The following LRIT3 variants were observed in gnomAD, a reference collection of about 807,000 sequenced individuals.
LRIT3 encodes leucine-rich repeat, immunoglobulin-like domain and transmembrane domain-containing protein 3.
In LRIT3, 14 loss-of-function variants were observed where a neutral mutation model predicts 22.6. That is an observed-to-expected ratio of 0.62 (90% confidence interval 0.41 to 0.97). The LOEUF (loss-of-function observed/expected upper bound fraction) is 0.97, where lower values mean the gene tolerates loss of function less well. LRIT3 is among the 50% of genes least tolerant of loss of function. The probability of loss-of-function intolerance (pLI) is 0.00; values close to 1 mark genes in which losing one functional copy is unlikely to be tolerated. For missense variants in LRIT3, 783 were observed against 803.0 expected (o/e 0.98, Z 0.30); for synonymous variants, 306 against 304.5 (o/e 1.01, Z -0.05).
At chr4:109,848,716 T>C (rs935016260) in intron 1 of LRIT3, among the ~76,000 whole-genome samples, 4 of 152,164 alleles carry the variant, frequency 2.6e-5, no homozygotes, top group African/African-American at 7.2e-5. Flanking sequence ...CTTTCATGGC[T>C]CTCCACTTCC....
intron 2 of LRIT3, among the ~76,000 whole-genome samples, chr4:109,863,174 C>T (rs1734590731): frequency 6.6e-6 from 1 of 152,108 alleles, no homozygotes; most frequent in Non-Finnish European, 1.5e-5. Flanking sequence ...CTTTGGCTTC[C>T]TTTGGTGTAA....
intron 2 of LRIT3, among the ~76,000 whole-genome samples, chr4:109,856,832 C>G (rs1734417126): frequency 6.6e-6 from 1 of 152,100 alleles, no homozygotes; most frequent in Non-Finnish European, 1.5e-5. Flanking sequence ...TGCCATTTAT[C>G]CGCAAAATGA....
At chr4:109,866,023 A>C (rs538515946) in intron 2 of LRIT3, among the ~76,000 whole-genome samples, 1 of 152,306 alleles carries the variant, frequency 6.6e-6, no homozygotes, top group African/African-American at 2.4e-5. Context: ...AAAAGTTTAA[A>C]GTTATTCACC....
Position 109,870,352 on chromosome 4 carries a change from A to T in LRIT3, c.1603A>T (p.Ser535Cys). Residue 535 changes from serine to cysteine, a missense_variant, in exon 4 of 4, where the codon AGC becomes TGC. Physicochemically the swap from Ser to Cys is moderately radical, Grantham distance 112. Transcript: ENST00000594814. Reference protein sequence around the residue: ...KDLLLLNADSSKNQVTIDGLE... With the variant: ...KDLLLLNADSCKNQVTIDGLE... ...CCTGCTGCTGTTGAATGCAGACTCC[A>T]GCAAGAACCAAGTAACCATAGATGG... The T allele has an allele frequency of 6.2e-7, 1 of 1,614,228 alleles. No homozygotes were observed.
Position 109,869,741 on chromosome 4 carries a change from A to G in LRIT3, c.992A>G (p.Lys331Arg), listed in dbSNP as rs545747114. The G allele has an allele frequency of 5.6e-6, 9 of 1,613,474 alleles. No individual in the cohort carries two copies. The highest frequency in any genetic ancestry group is 2.2e-5 in the East Asian group (1 of 44,880). Reference protein sequence around the residue: ...KDAGDYKCKAKNLAGMSEAVV... With the variant: ...KDAGDYKCKARNLAGMSEAVV... ...GCTGGGGATTACAAATGTAAGGCCA[A>G]AAATCTGGCTGGGATGTCAGAAGCT... The change falls in exon 4 of 4, where the codon AAA becomes AGA. Residue 331 changes from lysine (K) to arginine (R), a missense_variant. Physicochemically the swap from Lys to Arg is conservative, Grantham distance 26 (BLOSUM62 2). Around this residue, in one of 2 missense-constraint regions of LRIT3, gnomAD observed 756 missense variants for 753.8 expected, o/e 1.00. Transcript: ENST00000594814.
rs558245776 is a variant in LRIT3, at chr4:109,856,833, C to T, written c.589+4857C>T. 1.4e-4 allele frequency among the ~76,000 whole-genome samples: 21 copies of T among 152,080 alleles called. No individual in the cohort carries two copies. In the East Asian group the frequency reaches 2.5e-3, roughly 18 times the overall value. On this transcript the variant is annotated intron_variant, in intron 2 of 3. Coordinates refer to ENST00000594814, the MANE Select transcript of LRIT3 (RefSeq NM_198506.5). ...AAATAGAATTTTTTTGCCATTTATC[C>T]GCAAAATGAGCAGTTTGAATAGATT...
chr4:109,856,544 A>T (rs1734406491), intron 2 of LRIT3, among the ~76,000 whole-genome samples: 1 of 152,184 alleles, frequency 6.6e-6, no homozygotes, highest in Non-Finnish European at 1.5e-5. Flanking sequence ...GAGGCCTCAA[A>T]AATCTTTTCT....
At chr4:109,854,559 C>A (rs897048667) in intron 2 of LRIT3, among the ~76,000 whole-genome samples, 1 of 152,080 alleles carries the variant, frequency 6.6e-6, no homozygotes, top group Non-Finnish European at 1.5e-5. Context: ...ATTTGAATAC[C>A]CTTTATTTCT....
At chr4:109,850,593 C>T (rs1034905933) in intron 1 of LRIT3, among the ~76,000 whole-genome samples, 7 of 151,416 alleles carry the variant, frequency 4.6e-5, no homozygotes, top group Admixed American at 4.0e-4. Context: ...TCTCCCACCT[C>T]CGCCTCCTGA....
Position 109,870,185 on chromosome 4 carries a change from T to TGCTTACGG in LRIT3, c.1437_1444dup (p.Glu482GlyfsTer9). The TGCTTACGG allele has an allele frequency of 6.2e-7, 1 of 1,614,222 alleles. No individual in the cohort carries two copies. The highest frequency in any genetic ancestry group is 1.1e-5 in the South Asian group (1 of 91,090). ...GAGCTGGCATTGTTGGATCAAACAA[T>TGCTTACGG]GCTTACGGAGACAAATGCCGCAATA... On this transcript the variant is annotated frameshift_variant, in exon 4 of 4. Transcript: ENST00000594814. LOFTEE classifies it low-confidence loss of function (END_TRUNC).
rs1204442225 is a variant in LRIT3 at position 109,851,535 on chromosome 4, G to A, written c.148G>A (p.Glu50Lys). Reference sequence around the variant, plus strand: ...GCTATGTAATGACATGGATATGAACGAGCTGCCTACGAACCTCCCCGTGGA... The same window carrying A: ...GCTATGTAATGACATGGATATGAACAAGCTGCCTACGAACCTCCCCGTGGA... ...LVLCNDMDMN[E>K]LPTNLPVDTV... Residue 50 changes from glutamate to lysine, a missense_variant, in exon 2 of 4, where the codon GAG (glutamate) becomes AAG (lysine). Coordinates refer to ENST00000594814, the MANE Select transcript of LRIT3 (RefSeq NM_198506.5). 6 of 1,548,364 alleles carry A rather than the reference G, an allele frequency of 3.9e-6. No homozygotes were observed. Among genetic ancestry groups the A allele is most frequent in the South Asian group, 3.6e-5 (3 of 83,864 alleles).
chr4:109,849,688 C>T (rs1333722342), intron 1 of LRIT3, among the ~76,000 whole-genome samples: 2 of 152,246 alleles, frequency 1.3e-5, no homozygotes, highest in African/African-American at 4.8e-5. Context: ...TCTCGGCTCA[C>T]TGCAACCTCC....
chr4:109,850,424 T>TTCTTTCC (rs775517622), intron 1 of LRIT3, among the ~76,000 whole-genome samples: 3 of 22,358 alleles, frequency 1.3e-4, no homozygotes, highest in East Asian at 3.9e-3. Flanking sequence ...CCTTCCTTCC[T>TTCTTTCC]TTCTTTCTTT....
At position 109,851,534 on chromosome 4, in the gene LRIT3, C is replaced by G; in HGVS notation, c.147C>G (p.Asn49Lys). 1 of 1,548,004 alleles carries G rather than the reference C, an allele frequency of 6.5e-7. No individual in the cohort carries two copies. The highest frequency in any genetic ancestry group is 8.7e-7 in the Non-Finnish European group (1 of 1,144,664). Residue 49 changes from asparagine to lysine, a missense_variant, in exon 2 of 4, where the codon AAC becomes AAG. By Grantham distance (94) the Asn-to-Lys change is moderately conservative. Transcript: ENST00000594814. Reference protein sequence around the residue: ...RLVLCNDMDMNELPTNLPVDT... With the variant: ...RLVLCNDMDMKELPTNLPVDT... ...TGCTATGTAATGACATGGATATGAA[C>G]GAGCTGCCTACGAACCTCCCCGTGG...
At position 109,870,476 on chromosome 4, in the gene LRIT3, G is replaced by C. The variant is rs754286829; in HGVS notation, c.1727G>C (p.Gly576Ala). The change falls in exon 4 of 4, where the codon GGA becomes GCA. Residue 576 changes from glycine (G) to alanine (A), a missense_variant. Physicochemically the swap from Gly to Ala is moderately conservative, Grantham distance 60 (BLOSUM62 0). Around this residue, in one of 2 missense-constraint regions of LRIT3, gnomAD observed 756 missense variants for 753.8 expected, o/e 1.00. Transcript: ENST00000594814. ...ACCTTTTCTACTGAAAGAGTTGAAG[G>C]AGATGATTCTCAATGGTCTCTCCTT... ...CITFSTERVE[G>A]DDSQWSLLLV... 1.9e-6 allele frequency: 3 copies of C among 1,614,068 alleles called. No individual in the cohort carries two copies. The highest frequency in any genetic ancestry group is 2.5e-6 in the Non-Finnish European group (3 of 1,180,040).
rs764960906 is a variant in LRIT3, at chr4:109,870,328, C to G, written c.1579C>G (p.Leu527Val). ...GTATTCCAAGTATGGTGGGAAGGAC[C>G]TGCTGCTGTTGAATGCAGACTCCAG... Reference protein sequence around the residue: ...VLYSKYGGKDLLLLNADSSKN... With the variant: ...VLYSKYGGKDVLLLNADSSKN... Residue 527 changes from leucine (L) to valine (V), a missense_variant, in exon 4 of 4, where the codon CTG becomes GTG. This residue lies in a region of LRIT3 where 756 missense variants were observed against 753.8 expected (regional missense o/e 1.00). Coordinates refer to ENST00000594814, the MANE Select transcript of LRIT3 (RefSeq NM_198506.5). The G allele has an allele frequency of 2.5e-6, 4 of 1,614,176 alleles. No homozygotes were observed. In the South Asian group the frequency reaches 4.4e-5, roughly 18 times the overall value.
chr4:109,869,760 A>C lies in LRIT3; in HGVS notation c.1011A>C (p.Ser337=), dbSNP rs140239777. 18 of 1,613,720 alleles carry C rather than the reference A, an allele frequency of 1.1e-5. No individual in the cohort carries two copies. Among genetic ancestry groups the C allele is most frequent in the Non-Finnish European group, 1.4e-5 (16 of 1,179,762 alleles). ...KCKAKNLAGM[S]EAVVTVTVLG... Reference sequence around the variant, plus strand: ...AGGCCAAAAATCTGGCTGGGATGTCAGAAGCTGTGGTTACTGTGACAGTGC... The same window carrying C: ...AGGCCAAAAATCTGGCTGGGATGTCCGAAGCTGTGGTTACTGTGACAGTGC... The change falls in exon 4 of 4, where the codon TCA becomes TCC. Residue 337 remains serine, a synonymous_variant. Transcript: ENST00000594814.
In LRIT3 at chr4:109,867,930, G is replaced by T. The variant is rs769259518; in HGVS notation, c.879G>T (p.Ser293=). The T allele has an allele frequency of 1.2e-6, 2 of 1,610,074 alleles. No homozygotes were observed. The highest frequency in any genetic ancestry group is 1.1e-5 in the South Asian group (1 of 90,938). Residue 293 remains serine (S), a synonymous_variant, in exon 3 of 4, where the codon TCG becomes TCT. Coordinates refer to ENST00000594814, the MANE Select transcript of LRIT3 (RefSeq NM_198506.5). ...TCACATGGACCAGATCTGACAGCTC[G>T]CCAGTTAATTATACAGGTATTTTCT... The part of the protein sequence containing the change: ...PQITWTRSDS[S]PVNYTVIQES...
At position 109,849,638 on chromosome 4, in the gene LRIT3, A is replaced by C. The variant is rs575683340; in HGVS notation, c.116+1321A>C. On this transcript the variant is annotated intron_variant, in intron 1 of 3. Coordinates refer to ENST00000594814, the MANE Select transcript of LRIT3 (RefSeq NM_198506.5). ...TATTTATTTATTTATTTTGAGACAG[A>C]GTCTCACTTTGTCAGCCAGGCTGGA... Among the ~76,000 whole-genome samples, 447 of 152,330 alleles carry C rather than the reference A, an allele frequency of 2.9e-3. 1 individual carries two copies. Among genetic ancestry groups the C allele is most frequent in the Non-Finnish European group, 4.7e-3 (321 of 68,028 alleles).
Sources: allele counts gnomAD v4.1 joint callset (sites outside exome capture counted in the v4.1 genomes callset), GRCh38; gene constraint gnomAD v4.1.1; regional missense constraint gnomAD v4.1.1; transcripts MANE v1.5; gene names NCBI Gene and HGNC (gene_info 2026-07-23, HGNC 2026-07-21).